ASCC3: variants seen among roughly 807,000 people sequenced by gnomAD.
ASCC3 encodes the protein ASC-1 complex subunit P200.
A neutral mutation model predicts 256.3 loss-of-function variants in ASCC3; 158 were observed. That is an observed-to-expected ratio of 0.62 (90% confidence interval 0.54 to 0.70). ASCC3 has a LOEUF of 0.70. Among genes scored for constraint, ASCC3 ranks in the 30% least tolerant of loss-of-function variants. ASCC3 has a pLI of 0.00. For missense variants in ASCC3, 2,259 were observed against 2,626.0 expected (o/e 0.86, Z 3.05); for synonymous variants, 948 against 883.4 (o/e 1.07, Z -1.30).
At chr6:100,629,742 T>G (rs1186066112) in intron 26 of ASCC3, among the ~76,000 whole-genome samples, 3 of 152,066 alleles carry the variant, frequency 2.0e-5, no homozygotes, top group Non-Finnish European at 4.4e-5. Flanking sequence ...AGAGCAAATA[T>G]GTACCAACTC....
intron 3 of ASCC3, among the ~76,000 whole-genome samples, chr6:100,852,019 G>C (rs766653031): frequency 7.9e-5 from 12 of 152,290 alleles, no homozygotes; most frequent in Non-Finnish European, 1.0e-4. Context: ...GTATGTAGGC[G>C]TAAGAGACTG....
At chr6:100,568,961 A>G (rs1178357282) in intron 36 of ASCC3, among the ~76,000 whole-genome samples, 2 of 151,516 alleles carry the variant, frequency 1.3e-5, no homozygotes, top group Non-Finnish European at 2.9e-5. Context: ...TTGTGTTTTT[A>G]GTAGAGACAG....
intron 36 of ASCC3, among the ~76,000 whole-genome samples, chr6:100,586,572 C>A (rs1582504422): frequency 6.6e-6 from 1 of 152,280 alleles, no homozygotes; most frequent in Admixed American, 6.5e-5. Context: ...TTGGCTCACG[C>A]ACGGTGTGCT....
intron 36 of ASCC3, among the ~76,000 whole-genome samples, chr6:100,560,299 A>C (rs1272466367): frequency 1.3e-5 from 2 of 152,156 alleles, no homozygotes; most frequent in Non-Finnish European, 2.9e-5. Flanking sequence ...ACAAAGAAAA[A>C]CAGAGATTTT....
At chr6:100,573,771 A>G (rs1770717806) in intron 36 of ASCC3, among the ~76,000 whole-genome samples, 1 of 152,192 alleles carries the variant, frequency 6.6e-6, no homozygotes, top group Admixed American at 6.6e-5. Flanking sequence ...ATTTTGCCAA[A>G]TAATTCCTAA....
intron 36 of ASCC3, among the ~76,000 whole-genome samples, chr6:100,570,895 C>A (rs1199305791): frequency 6.6e-6 from 1 of 152,138 alleles, no homozygotes; most frequent in Non-Finnish European, 1.5e-5. Context: ...TTAAAACATC[C>A]TGAGTCTGAC....
chr6:100,546,161 T>G (rs1775709287), intron 36 of ASCC3, among the ~76,000 whole-genome samples: 1 of 152,144 alleles, frequency 6.6e-6, no homozygotes, highest in South Asian at 2.1e-4. Flanking sequence ...ATTATATATA[T>G]GAAGTACACT....
At chr6:100,554,659 G>A (rs1441622572) in intron 36 of ASCC3, among the ~76,000 whole-genome samples, 1 of 152,022 alleles carries the variant, frequency 6.6e-6, no homozygotes, top group Non-Finnish European at 1.5e-5. Flanking sequence ...CTGTCTTTTG[G>A]CCACTGAAGC....
intron 41 of ASCC3, among the ~76,000 whole-genome samples, 162 bp from the exon 42 acceptor site, chr6:100,509,695 T>C (rs571436903): frequency 3.9e-5 from 6 of 152,130 alleles, no homozygotes; most frequent in Admixed American, 1.3e-4. Flanking sequence ...GGTCAGGAGA[T>C]GGAGACCACG....
intron 4 of ASCC3, among the ~76,000 whole-genome samples, chr6:100,837,023 A>G (rs1771909084): frequency 6.6e-6 from 1 of 152,114 alleles, no homozygotes; most frequent in Admixed American, 6.5e-5. Flanking sequence ...AAACAACTCG[A>G]TTGCAAAATA....
At chr6:100,635,258 T>C (rs938050300) in intron 25 of ASCC3, among the ~76,000 whole-genome samples, 2 of 152,098 alleles carry the variant, frequency 1.3e-5, no homozygotes, top group African/African-American at 4.8e-5. Flanking sequence ...ATTATTCAGC[T>C]TTAAAGAAGA....
At chr6:100,805,104 GAGTCCATAGTAA>G (rs571020076) in intron 5 of ASCC3, among the ~76,000 whole-genome samples, 1,786 of 152,148 alleles carry the variant, frequency 0.012, 11 homozygotes, top group Non-Finnish European at 0.018. Flanking sequence ...TTCCTGAATT[GAGTCCATAGTAA>G]TATTTTTCTT....
chr6:100,655,653 C>T (rs1775879529), intron 17 of ASCC3, 46 bp downstream of exon 17: 2 of 1,593,530 alleles, frequency 1.3e-6, no homozygotes, highest in African/African-American at 2.7e-5. Context: ...CATGAAAGAA[C>T]CAAAAAGAAG....
chr6:100,816,270 G>A (rs1218928067), intron 4 of ASCC3, among the ~76,000 whole-genome samples: 1 of 152,092 alleles, frequency 6.6e-6, no homozygotes, highest in Non-Finnish European at 1.5e-5. Flanking sequence ...AGATGCTAGT[G>A]AGGTTACGGA....
chr6:100,801,032 T>C (rs565414531), intron 5 of ASCC3, among the ~76,000 whole-genome samples: 1 of 147,696 alleles, frequency 6.8e-6, no homozygotes, highest in African/African-American at 2.7e-5. Context: ...AGACAATAAC[T>C]AAAGCAAATA....
At chr6:100,833,037 C>T (rs1771695275) in intron 4 of ASCC3, among the ~76,000 whole-genome samples, 1 of 151,916 alleles carries the variant, frequency 6.6e-6, no homozygotes, top group African/African-American at 2.4e-5. Flanking sequence ...ATTGCCAAAA[C>T]TTAGAAGCAA....
intron 4 of ASCC3, among the ~76,000 whole-genome samples, chr6:100,814,959 T>C (rs1192139518): frequency 6.6e-6 from 1 of 152,180 alleles, no homozygotes; most frequent in Non-Finnish European, 1.5e-5. Flanking sequence ...TTTTGATTAT[T>C]TGTAGTATTC....
intron 10 of ASCC3, among the ~76,000 whole-genome samples, chr6:100,765,037 G>A (rs1781587980): frequency 6.6e-6 from 1 of 152,134 alleles, no homozygotes; most frequent in Admixed American, 6.6e-5. Flanking sequence ...TGGAAGCAGA[G>A]CTTGGAGTGA....
At position 100,607,217 on chromosome 6, in the gene ASCC3, A is replaced by G; in HGVS notation, c.4786-129T>C. ...TGGACATAAAATATAAGTCCTATAT[A>G]CAGTTATGATTAAAGTTCAACTAAC... On this transcript the variant is annotated intron_variant, in intron 30 of 41. Transcript: ENST00000369162. 3 of 951,406 alleles carry G rather than the reference A, an allele frequency of 3.2e-6. No homozygotes were observed. In the Admixed American group the frequency reaches 6.9e-5, roughly 22 times the overall value. 58.9% of individuals were successfully genotyped at this position (951,406 alleles called of 1,614,324 possible). A position where few individuals can be genotyped will look rare whatever the true frequency, so the allele number is the denominator to read the frequency against.
Sources: gnomAD v4.1 joint callset for allele counts (sites outside exome capture counted in the v4.1 genomes callset) on GRCh38, gnomAD v4.1.1 for gene constraint, MANE v1.5 for transcripts, NCBI Gene and HGNC (gene_info 2026-07-23, HGNC 2026-07-21) for gene names.